WDR27: variants seen among roughly 807,000 people sequenced by gnomAD.
The protein encoded by WDR27 is WD repeat domain 27.
A neutral mutation model predicts 114.4 loss-of-function variants in WDR27; 100 were observed. The ratio of observed to expected loss-of-function variants is 0.87; its 90% confidence interval spans 0.74 to 1.03. The LOEUF (loss-of-function observed/expected upper bound fraction) is 1.03, where lower values mean the gene tolerates loss of function less well. Ranked by LOEUF, WDR27 falls within the 50% of genes least tolerant of loss-of-function variation. WDR27 has a pLI of 0.00. For synonymous variants in WDR27, 449 were observed against 423.1 expected (o/e 1.06, Z -0.75); for missense variants, 1,129 against 1,092.9 (o/e 1.03, Z -0.47).
intron 25 of WDR27, among the ~76,000 whole-genome samples, chr6:169,538,142 T>C (rs1031660667): frequency 2.6e-5 from 4 of 152,156 alleles, no homozygotes; most frequent in African/African-American, 9.7e-5. Context: ...TGAATATATG[T>C]TTAAAATTTC....
At chr6:169,642,944 G>A (rs994312203) in intron 17 of WDR27, among the ~76,000 whole-genome samples, 6 of 152,320 alleles carry the variant, frequency 3.9e-5, no homozygotes, top group Admixed American at 3.9e-4. Context: ...ATTATGGCAG[G>A]TAAGCAACCC....
At chr6:169,639,773 C>T (rs1224484672) in intron 17 of WDR27, among the ~76,000 whole-genome samples, 1 of 152,196 alleles carries the variant, frequency 6.6e-6, no homozygotes. Context: ...GTTTCTGGAC[C>T]TGTCTTGCCT....
chr6:169,477,497 G>A (rs1787345554), intron 25 of WDR27, among the ~76,000 whole-genome samples: 1 of 152,130 alleles, frequency 6.6e-6, no homozygotes, highest in Non-Finnish European at 1.5e-5. Flanking sequence ...GGAGTGCAGT[G>A]GTGCAATCTC....
At chr6:169,445,866 G>A in the WDR27 span, among the ~76,000 whole-genome samples, 174 of 152,348 alleles carry the variant, frequency 1.1e-3, no homozygotes, top group Middle Eastern at 0.02. Flanking sequence ...CTGGACCCCC[G>A]AGCCCTGACT....
chr6:169,616,026 T>C (rs907615964), intron 21 of WDR27, among the ~76,000 whole-genome samples: 8 of 148,376 alleles, frequency 5.4e-5, no homozygotes, highest in African/African-American at 1.5e-4. Context: ...GGCAAGATTA[T>C]ATAAGCACTA....
rs948230288 is a variant in WDR27, at chr6:169,494,904, T to C, written c.2646-37270A>G. Among the ~76,000 whole-genome samples the C allele has an allele frequency of 3.3e-5, 5 of 152,204 alleles. No homozygotes were observed. The South Asian group carries it at 1.0e-3, about 31-fold the overall frequency. On this transcript the variant is annotated intron_variant, in intron 25 of 25. Coordinates refer to ENST00000448612, the MANE Select transcript of WDR27 (RefSeq NM_182552.5). ...CTAAAGTGCTCCAGTCAACACTGTT[T>C]TTCAGGCAATTATTTACTCCTTTAA...
At chr6:169,473,158 G>GA (rs1331852699) in intron 25 of WDR27, among the ~76,000 whole-genome samples, 8 of 152,266 alleles carry the variant, frequency 5.3e-5, no homozygotes, top group Non-Finnish European at 1.0e-4. Flanking sequence ...AACATATTAG[G>GA]ACTTATTCAC....
rs115114250 is a variant in WDR27, at chr6:169,579,757, C to T, written c.2523+3079G>A. Among the ~76,000 whole-genome samples, 1,124 of 152,288 alleles carry T rather than the reference C, an allele frequency of 7.4e-3. 25 individuals are homozygous for T. The highest frequency in any genetic ancestry group is 0.026 in the African/African-American group (1,089 of 41,552). On this transcript the variant is annotated intron_variant, in intron 24 of 25. Transcript: ENST00000448612. ...TTAAGAGTGGGTATAACTATGCTCA[C>T]CAGCAACCAATGCGTGCTGTTCGGG...
intron 2 of WDR27, among the ~76,000 whole-genome samples, chr6:169,674,955 A>T (rs1029758739): frequency 3.3e-5 from 5 of 152,152 alleles, no homozygotes; most frequent in African/African-American, 1.2e-4. Context: ...GGAGCTTTTG[A>T]GCCAGGATGA....
chr6:169,480,275 G>A lies in WDR27; in HGVS notation c.2646-22641C>T, dbSNP rs575753316. 2.0e-3 allele frequency among the ~76,000 whole-genome samples: 311 copies of A among 152,292 alleles called. 1 individual carries two copies. The highest frequency in any genetic ancestry group is 5.9e-3 in the African/African-American group (245 of 41,566). The stretch of plus-strand genomic sequence containing the variant: ...CGCCAGGCTTCAGCCGCCTCCCCGC[G>A]GGGCAGGGCTCGGGACCTGCAGCCT... On this transcript the variant is annotated intron_variant, in intron 25 of 25. Transcript: ENST00000448612.
intron 13 of WDR27, among the ~76,000 whole-genome samples, chr6:169,653,356 CAAT>C (rs1269168185): frequency 4.6e-5 from 7 of 152,046 alleles, no homozygotes; most frequent in African/African-American, 1.7e-4. Context: ...CATTGCACAA[CAAT>C]GTGAGGGTAT....
chr6:169,520,177 T>C (rs1241311028), intron 25 of WDR27, among the ~76,000 whole-genome samples: 1 of 152,074 alleles, frequency 6.6e-6, no homozygotes, highest in Non-Finnish European at 1.5e-5. Flanking sequence ...CACCACACTG[T>C]AGGAGGTTTA....
intron 2 of WDR27, among the ~76,000 whole-genome samples, chr6:169,674,688 G>A (rs963740828): frequency 1.3e-5 from 2 of 152,166 alleles, no homozygotes; most frequent in African/African-American, 4.8e-5. Flanking sequence ...AAATTTTGAT[G>A]AAAACCATAA....
In WDR27 at chr6:169,562,617, C is replaced by T. The variant is rs541903306; in HGVS notation, c.2645+9802G>A. Among the ~76,000 whole-genome samples, 3 of 152,222 alleles carry T rather than the reference C, an allele frequency of 2.0e-5. No homozygotes were observed. The East Asian group carries it at 5.8e-4, about 30-fold the overall frequency. Reference sequence around the variant, plus strand: ...GATGACAAGCTCCAGCCTCTCCACTCTGTGCCAGGCTGCGTGAGTGCCCCG... The same window carrying T: ...GATGACAAGCTCCAGCCTCTCCACTTTGTGCCAGGCTGCGTGAGTGCCCCG... On this transcript the variant is annotated intron_variant, in intron 25 of 25. Transcript: ENST00000448612.
At chr6:169,500,820 A>T (rs1583807935) in intron 25 of WDR27, among the ~76,000 whole-genome samples, 1 of 152,142 alleles carries the variant, frequency 6.6e-6, no homozygotes, top group Admixed American at 6.5e-5. Flanking sequence ...TTGACTGGAA[A>T]CCTAAGCAGC....
intron 25 of WDR27, among the ~76,000 whole-genome samples, chr6:169,513,911 G>A (rs968746835): frequency 1.4e-4 from 22 of 152,244 alleles, no homozygotes; most frequent in Admixed American, 6.5e-4. Flanking sequence ...GGAGGAAAAA[G>A]CAGCACTTCT....
At chr6:169,471,086 A>G (rs1419358439) in intron 25 of WDR27, among the ~76,000 whole-genome samples, 3 of 151,288 alleles carry the variant, frequency 2.0e-5, no homozygotes, top group Non-Finnish European at 4.4e-5. Flanking sequence ...GAGGCTAGCT[A>G]GTTGAGTCCT....
At chr6:169,697,724 G>A (rs978198515) in intron 1 of WDR27, among the ~76,000 whole-genome samples, 1 of 152,190 alleles carries the variant, frequency 6.6e-6, no homozygotes, top group African/African-American at 2.4e-5. Context: ...GCCAGGCAGG[G>A]AAGGGCCCCC....
intron 25 of WDR27, among the ~76,000 whole-genome samples, chr6:169,500,201 T>C (rs1415997762): frequency 1.3e-5 from 2 of 152,170 alleles, no homozygotes; most frequent in African/African-American, 4.8e-5. Context: ...GAGTTTTTAT[T>C]TCCTTTTATC....
Sources: allele counts gnomAD v4.1 joint callset (sites outside exome capture counted in the v4.1 genomes callset), GRCh38; gene constraint gnomAD v4.1.1; transcripts MANE v1.5; gene names NCBI Gene and HGNC (gene_info 2026-07-23, HGNC 2026-07-21).